DAB1: variants seen among roughly 807,000 people sequenced by gnomAD.
The protein encoded by DAB1 is DAB adaptor protein 1.
DAB1 carries 15 observed loss-of-function variants against 64.6 expected under a neutral mutation model. That is an observed-to-expected ratio of 0.23 (90% CI 0.16 to 0.36). The LOEUF (loss-of-function observed/expected upper bound fraction) is 0.36, where lower values mean the gene tolerates loss of function less well. Ranked by LOEUF, DAB1 falls within the 10% of genes least tolerant of loss-of-function variation. The probability of loss-of-function intolerance (pLI) is 1.00; values close to 1 mark genes in which losing one functional copy is unlikely to be tolerated. For missense variants in DAB1, 596 were observed against 706.7 expected, an observed-to-expected ratio of 0.84 and a Z score of 1.78; for synonymous variants, 235 against 251.9, an observed-to-expected ratio of 0.93 and a Z score of 0.64.
chr1:58,536,483 G>A, intron 1 of DAB1: 1 of 834,072 alleles, frequency 1.2e-6, no homozygotes, highest in Non-Finnish European at 2.1e-6. Flanking sequence ...ATATTAAGCA[G>A]TCTAATTAAA....
chr1:57,514,452 A>G (rs553483938), intron 7 of DAB1, among the ~76,000 whole-genome samples: 2 of 152,038 alleles, frequency 1.3e-5, no homozygotes, highest in Admixed American at 1.3e-4. Context: ...TGCTTTTGAT[A>G]TTGTTTTTGT....
chr1:57,837,180 T>C (rs1652844842), intron 1 of DAB1, among the ~76,000 whole-genome samples: 1 of 152,234 alleles, frequency 6.6e-6, no homozygotes, highest in African/African-American at 2.4e-5. Flanking sequence ...AAATACATTC[T>C]CCAGGCAGTA....
chr1:58,215,977 A>G (rs1658826505), intron 4 of DAB1, among the ~76,000 whole-genome samples: 2 of 145,350 alleles, frequency 1.4e-5, no homozygotes, highest in South Asian at 2.1e-4. Flanking sequence ...GAATGAATGC[A>G]TGGATGGATG....
chr1:57,065,606 C>T (rs557378280), intron 8 of DAB1, among the ~76,000 whole-genome samples: 8 of 152,306 alleles, frequency 5.3e-5, no homozygotes, highest in South Asian at 2.1e-4. Context: ...GCATTCAGCC[C>T]ATGAGTGCTA....
chr1:58,020,442 G>C (rs190656661), intron 5 of DAB1, among the ~76,000 whole-genome samples: 1 of 152,300 alleles, frequency 6.6e-6, no homozygotes, highest in Admixed American at 6.5e-5. Context: ...TGAAGACAGA[G>C]ATACTTCACA....
At chr1:58,466,645 ATCC>A (rs1202193908) in intron 3 of DAB1, among the ~76,000 whole-genome samples, 1 of 151,384 alleles carries the variant, frequency 6.6e-6, no homozygotes, top group Non-Finnish European at 1.5e-5. Flanking sequence ...GAAAGGGACA[ATCC>A]TCCTTCCCTG....
chr1:58,234,779 T>C (rs1030454079), intron 4 of DAB1, among the ~76,000 whole-genome samples: 2 of 152,210 alleles, frequency 1.3e-5, no homozygotes, highest in African/African-American at 2.4e-5. Context: ...ATGCTTCATA[T>C]TGAGGCAATG....
chr1:57,451,153 G>A (rs1030120270), intron 7 of DAB1, among the ~76,000 whole-genome samples: 1 of 152,078 alleles, frequency 6.6e-6, no homozygotes, highest in South Asian at 2.1e-4. Flanking sequence ...GATTCCACCA[G>A]GACCACCAGC....
intron 4 of DAB1, among the ~76,000 whole-genome samples, chr1:58,337,214 A>T (rs1460976098): frequency 2.6e-5 from 4 of 151,474 alleles, no homozygotes; most frequent in African/African-American, 9.7e-5. Flanking sequence ...CCCAGGAGGC[A>T]GAGGTTGCAA....
chr1:57,165,654 G>A (rs1169276039), intron 2 of DAB1, among the ~76,000 whole-genome samples: 1 of 152,154 alleles, frequency 6.6e-6, no homozygotes, highest in African/African-American at 2.4e-5. Flanking sequence ...GAGGTAGTAT[G>A]ATCTCAATTT....
intron 5 of DAB1, among the ~76,000 whole-genome samples, chr1:58,088,808 T>G (rs998245580): frequency 2.0e-5 from 3 of 152,176 alleles, no homozygotes; most frequent in Non-Finnish European, 2.9e-5. Flanking sequence ...GAGGTGACAG[T>G]CAGACATCAA....
Position 57,226,671 on chromosome 1 carries a change from A to AT in DAB1, c.67+64292_67+64293insA, listed in dbSNP as rs1557978140. Among the ~76,000 whole-genome samples the AT allele has an allele frequency of 5.9e-3, 765 of 129,128 alleles. 9 individuals carry two copies. Among genetic ancestry groups the AT allele is most frequent in the African/African-American group, 0.017 (579 of 33,470 alleles). The allele number at this position is 129,128 out of a possible 152,430, so 84.7% of individuals were successfully genotyped here. ...TGTCACTCAAAAGTGGTTAAAAAAA[A>AT]AATATATATATATATATATATATAT... On this transcript the variant is annotated intron_variant, in intron 2 of 14. Coordinates refer to ENST00000371236, the MANE Select transcript of DAB1 (RefSeq NM_001365792.1).
At chr1:58,446,749 CTTG>C (rs1364597915) in intron 3 of DAB1, among the ~76,000 whole-genome samples, 4 of 152,176 alleles carry the variant, frequency 2.6e-5, no homozygotes, top group Non-Finnish European at 5.9e-5. Flanking sequence ...GCCATCCATC[CTTG>C]TTGTTCCATG....
At chr1:57,809,602 T>TC (rs1651521337) in intron 6 of DAB1, among the ~76,000 whole-genome samples, 1 of 151,296 alleles carries the variant, frequency 6.6e-6, no homozygotes, top group African/African-American at 2.5e-5. Context: ...TCATTTAAAC[T>TC]GTTTCTCATT....
rs186612396 is a variant in DAB1, at chr1:58,274,748, G to A, written n.309+68604C>T. 6.4e-4 allele frequency among the ~76,000 whole-genome samples: 97 copies of A among 152,252 alleles called. 1 individual carries two copies. The highest frequency in any genetic ancestry group is 1.3e-3 in the African/African-American group (55 of 41,530). ...AGCCGGTCTGAAAAGCGCAATATTC[G>A]GGTGGGAGTGACCCGATTTTCCAGG... On this transcript the variant is annotated intron_variant and non_coding_transcript_variant, in intron 4 of 20. Transcript: ENST00000485760.
intron 6 of DAB1, among the ~76,000 whole-genome samples, chr1:57,661,891 G>T (rs568929957): frequency 6.6e-6 from 1 of 152,166 alleles, no homozygotes; most frequent in Admixed American, 6.5e-5. Context: ...GGCTGATGCA[G>T]TGGGCTTCTG....
chr1:58,264,223 C>CA (rs1661110843), intron 4 of DAB1, among the ~76,000 whole-genome samples: 1 of 152,170 alleles, frequency 6.6e-6, no homozygotes, highest in African/African-American at 2.4e-5. Context: ...GTGCTCAGCA[C>CA]AGAGTCTGCA....
chr1:57,114,049 G>A (rs77967688), intron 4 of DAB1, among the ~76,000 whole-genome samples: 6,821 of 152,198 alleles, frequency 0.045, 302 homozygotes, highest in East Asian at 0.21. Flanking sequence ...AACTGACCTG[G>A]TCTCCCTGCC....
intron 5 of DAB1, among the ~76,000 whole-genome samples, chr1:57,915,129 T>C (rs940747745): frequency 8.5e-6 from 1 of 117,354 alleles, no homozygotes; most frequent in East Asian, 2.5e-4. Flanking sequence ...CTTTAAATCA[T>C]AAAAAAAAAA....
Sources: allele counts gnomAD v4.1 joint callset (sites outside exome capture counted in the v4.1 genomes callset), GRCh38; gene constraint gnomAD v4.1.1; transcripts MANE v1.5; gene names NCBI Gene and HGNC (gene_info 2026-07-23, HGNC 2026-07-21).